The following MLLT10 variants were observed in gnomAD, a reference collection of about 807,000 sequenced individuals.
The protein encoded by MLLT10 is protein AF-10.
Under a neutral mutation model 129.1 loss-of-function variants are expected in MLLT10, and 30 were observed. The observed-to-expected ratio is 0.23, with a 90% CI of 0.17 to 0.32. The LOEUF (loss-of-function observed/expected upper bound fraction) is 0.32, where lower values mean the gene tolerates loss of function less well. MLLT10 is among the 10% of genes least tolerant of loss of function. The probability of loss-of-function intolerance (pLI) is 1.00; values close to 1 mark genes in which losing one functional copy is unlikely to be tolerated. For missense variants in MLLT10, 1,119 were observed against 1,268.3 expected (o/e 0.88, Z 1.79); for synonymous variants, 490 against 446.4 (o/e 1.10, Z -1.23).
At position 21,651,783 on chromosome 10, in the gene MLLT10, T is replaced by C. The variant is rs2131323176; in HGVS notation, c.795+15T>C. On this transcript the variant is annotated intron_variant, in intron 9 of 22. Transcript: ENST00000307729. The stretch of plus-strand genomic sequence containing the variant: ...CTACAGAAAAAGTAAGTTTTAAGTA[T>C]CATATTTTGTTTTATGTAATAAGTA... 2 of 1,568,468 alleles carry C rather than the reference T, an allele frequency of 1.3e-6. No homozygotes were observed. The highest frequency in any genetic ancestry group is 4.5e-5 in the East Asian group (2 of 44,590).
chr10:21,579,214 A>T (rs1407402784), intron 3 of MLLT10, among the ~76,000 whole-genome samples: 1 of 152,182 alleles, frequency 6.6e-6, no homozygotes, highest in African/African-American at 2.4e-5. Context: ...TATGATGAGA[A>T]ATCTGCCATT....
At chr10:21,613,946 G>A (rs1444615806) in intron 6 of MLLT10, among the ~76,000 whole-genome samples, 1 of 151,592 alleles carries the variant, frequency 6.6e-6, no homozygotes, top group Non-Finnish European at 1.5e-5. Flanking sequence ...TATTAGCTGG[G>A]TGCAGTGGCT....
chr10:21,697,624 A>G (rs2054504356), intron 13 of MLLT10, among the ~76,000 whole-genome samples: 1 of 152,230 alleles, frequency 6.6e-6, no homozygotes, highest in South Asian at 2.1e-4. Flanking sequence ...AAATAGAGCA[A>G]CCCACCAAAT....
intron 14 of MLLT10, among the ~76,000 whole-genome samples, chr10:21,723,635 G>A (rs951864403): frequency 1.3e-5 from 2 of 152,090 alleles, no homozygotes; most frequent in Admixed American, 6.6e-5. Flanking sequence ...CACCGTATCC[G>A]CATTCTGTAC....
intron 14 of MLLT10, among the ~76,000 whole-genome samples, chr10:21,722,142 C>T (rs991284442): frequency 5.9e-5 from 9 of 151,774 alleles, no homozygotes; most frequent in Non-Finnish European, 1.3e-4. Flanking sequence ...AAATAATTTT[C>T]GATATATAGA....
chr10:21,634,874 T>G (rs968356652), intron 8 of MLLT10, among the ~76,000 whole-genome samples: 10 of 152,238 alleles, frequency 6.6e-5, no homozygotes, highest in African/African-American at 2.4e-4. Flanking sequence ...TTGGCACTTG[T>G]GCCCTTTTGA....
Position 21,555,675 on chromosome 10 carries a change from A to AATTTTTT in MLLT10, c.240+16763_240+16764insATTTTTT, listed in dbSNP as rs1554788897. ...TCAGCCTTGATTCAAATGTAAGACA[A>AATTTTTT]TTTTTTTTTTTTTTTTTTTGAGAGG... On this transcript the variant is annotated intron_variant, in intron 3 of 22. Coordinates refer to ENST00000307729, the MANE Select transcript of MLLT10 (RefSeq NM_001195626.3). 4.5e-5 allele frequency among the ~76,000 whole-genome samples: 6 copies of AATTTTTT among 132,774 alleles called. 1 individual carries two copies. The highest frequency in any genetic ancestry group is 1.6e-5 in the Non-Finnish European group (1 of 61,212). 87.1% of individuals were successfully genotyped at this position (132,774 alleles called of 152,430 possible). A position where few individuals can be genotyped will look rare whatever the true frequency, so the allele number is the denominator to read the frequency against.
At chr10:21,633,917 G>A (rs1390977305) in intron 8 of MLLT10, among the ~76,000 whole-genome samples, 2 of 152,160 alleles carry the variant, frequency 1.3e-5, no homozygotes, top group African/African-American at 4.8e-5. Context: ...AGAAGAAATT[G>A]ATGTAGAAGT....
intron 3 of MLLT10, among the ~76,000 whole-genome samples, chr10:21,581,951 A>T (rs2041502226): frequency 6.6e-6 from 1 of 152,142 alleles, no homozygotes; most frequent in Admixed American, 6.6e-5. Flanking sequence ...TTGCTCTGTC[A>T]TGTTACTATG....
At chr10:21,613,730 C>T (rs1428932400) in intron 6 of MLLT10, among the ~76,000 whole-genome samples, 4 of 150,704 alleles carry the variant, frequency 2.7e-5, no homozygotes, top group African/African-American at 9.9e-5. Context: ...TGGTAAAACC[C>T]CATCTCTACT....
At chr10:21,544,430 ACT>A (rs1206062164) in intron 3 of MLLT10, among the ~76,000 whole-genome samples, 3 of 152,138 alleles carry the variant, frequency 2.0e-5, no homozygotes, top group Non-Finnish European at 4.4e-5. Flanking sequence ...CACAGGAAGA[ACT>A]CTCTGGACTG....
At chr10:21,723,246 AATAG>A (rs2057258663) in intron 14 of MLLT10, among the ~76,000 whole-genome samples, 2 of 152,200 alleles carry the variant, frequency 1.3e-5, no homozygotes, top group Non-Finnish European at 2.9e-5. Context: ...ATATAGATCT[AATAG>A]ATAGGGAAAC....
In MLLT10 at chr10:21,731,420, T is replaced by C. The variant is rs1589872882; in HGVS notation, c.2218+366T>C. Reference sequence around the variant, plus strand: ...ACTGCCTGGCTCATACATAGCATTGTCTCGGTGCTTACCATGATTATACAT... The same window carrying C: ...ACTGCCTGGCTCATACATAGCATTGCCTCGGTGCTTACCATGATTATACAT... On this transcript the variant is annotated intron_variant, in intron 17 of 22. Coordinates refer to ENST00000307729, the MANE Select transcript of MLLT10 (RefSeq NM_001195626.3). Among the ~76,000 whole-genome samples, 4 of 152,210 alleles carry C rather than the reference T, an allele frequency of 2.6e-5. No individual in the cohort carries two copies. In the East Asian group the frequency reaches 7.7e-4, roughly 29 times the overall value.
chr10:21,709,510 T>A (rs1486156873), intron 13 of MLLT10, among the ~76,000 whole-genome samples: 1 of 152,176 alleles, frequency 6.6e-6, no homozygotes, highest in Non-Finnish European at 1.5e-5. Flanking sequence ...GGATTACAGA[T>A]GTGAGCCACC....
chr10:21,617,070 T>C (rs1235452411), intron 7 of MLLT10, 42 bp from the exon 8 acceptor site: 1 of 926,454 alleles, frequency 1.1e-6, no homozygotes, highest in Non-Finnish European at 1.5e-6. Flanking sequence ...TTAAAAAGTT[T>C]TATATACATA....
chr10:21,560,010 C>G (rs1478176528), intron 3 of MLLT10, among the ~76,000 whole-genome samples: 2 of 150,620 alleles, frequency 1.3e-5, no homozygotes, highest in East Asian at 3.9e-4. Flanking sequence ...TTCCGTTTGG[C>G]TTTTTTTTTC....
intron 8 of MLLT10, among the ~76,000 whole-genome samples, chr10:21,647,163 A>T (rs1025829413): frequency 7.3e-5 from 11 of 151,502 alleles, no homozygotes; most frequent in Non-Finnish European, 1.0e-4. Context: ...GCCATCTGTG[A>T]CTTATTTTAA....
intron 5 of MLLT10, among the ~76,000 whole-genome samples, chr10:21,610,282 G>T (rs530620065): frequency 6.6e-6 from 1 of 152,214 alleles, no homozygotes; most frequent in African/African-American, 2.4e-5. Flanking sequence ...CCAGGTCTGA[G>T]TTGAATCAGA....
chr10:21,558,617 C>T (rs1025032385), intron 3 of MLLT10, among the ~76,000 whole-genome samples: 12 of 151,404 alleles, frequency 7.9e-5, no homozygotes, highest in African/African-American at 2.9e-4. Context: ...AACTCCTGGC[C>T]TCACGCAGTC....
Sources: gnomAD v4.1 joint callset for allele counts (sites outside exome capture counted in the v4.1 genomes callset) on GRCh38, gnomAD v4.1.1 for gene constraint, MANE v1.5 for transcripts, NCBI Gene and HGNC (gene_info 2026-07-23, HGNC 2026-07-21) for gene names.